ATG16L1: variants seen among roughly 807,000 people sequenced by gnomAD.
ATG16L1 encodes autophagy related 16 like 1, also known as autophagy-related protein 16-1.
In ATG16L1, 37 loss-of-function variants were observed where a neutral mutation model predicts 88.5. The observed-to-expected ratio is 0.42, with a 90% confidence interval of 0.32 to 0.55. The LOEUF is 0.55. Among genes scored for constraint, ATG16L1 ranks in the 20% least tolerant of loss-of-function variants. ATG16L1 has a pLI of 0.13. For synonymous variants in ATG16L1, 301 were observed against 281.0 expected, an observed-to-expected ratio of 1.07 and a Z score of -0.71; for missense variants, 554 against 752.8, an observed-to-expected ratio of 0.74 and a Z score of 3.09.
chr2:233,282,208 C>T (rs985986587), intron 11 of ATG16L1, among the ~76,000 whole-genome samples: 9 of 152,104 alleles, frequency 5.9e-5, no homozygotes, highest in Admixed American at 2.0e-4. Flanking sequence ...TGCAGTGGCC[C>T]GTGCGTTCAG....
intron 5 of ATG16L1, among the ~76,000 whole-genome samples, chr2:233,267,304 A>T (rs991359687): frequency 9.9e-5 from 15 of 152,244 alleles, no homozygotes; most frequent in Admixed American, 2.0e-4. Context: ...AGCCAATATC[A>T]TGCCACTAGG....
At chr2:233,254,239 C>T (rs571421453) in intron 1 of ATG16L1, among the ~76,000 whole-genome samples, 1 of 152,250 alleles carries the variant, frequency 6.6e-6, no homozygotes, top group Non-Finnish European at 1.5e-5. Flanking sequence ...TTAAAGGGTG[C>T]TAGAGTAGCG....
rs780078453 is a variant in ATG16L1 at position 233,263,242 on chromosome 2, C to T, written c.315+7C>T. ...ACACAAGAAACGTGGGGAGGTAAAG[C>T]TAGCCCTTTTCCTCATCTGTCTTCT... On this transcript the variant is annotated splice_region_variant and intron_variant, in intron 3 of 17. Coordinates refer to ENST00000392017, the MANE Select transcript of ATG16L1 (RefSeq NM_030803.7). The T allele has an allele frequency of 4.3e-6, 7 of 1,610,708 alleles. No individual in the cohort carries two copies. Among genetic ancestry groups the T allele is most frequent in the Non-Finnish European group, 4.2e-6 (5 of 1,177,410 alleles).
chr2:233,266,213 AGGCG>A (rs1697565739), intron 5 of ATG16L1: 4 of 152,372 alleles, frequency 2.6e-5, no homozygotes, highest in African/African-American at 7.2e-5. Context: ...GCGGAGGCGG[AGGCG>A]GAGGCGGAGG....
chr2:233,258,361 C>G (rs946660026), intron 2 of ATG16L1, among the ~76,000 whole-genome samples: 1 of 152,130 alleles, frequency 6.6e-6, no homozygotes, highest in Non-Finnish European at 1.5e-5. Flanking sequence ...TCATCTGGCA[C>G]GATGGTCTCC....
chr2:233,253,708 C>G (rs1696574055), intron 1 of ATG16L1, among the ~76,000 whole-genome samples: 1 of 152,078 alleles, frequency 6.6e-6, no homozygotes, highest in African/African-American at 2.4e-5. Flanking sequence ...TCACTGGCTC[C>G]CCCAGCAAAT....
chr2:233,255,200 A>G (rs1160267729), intron 1 of ATG16L1, among the ~76,000 whole-genome samples: 3 of 152,140 alleles, frequency 2.0e-5, no homozygotes, highest in Non-Finnish European at 4.4e-5. Context: ...TCCTGACCTC[A>G]GGTAGTTTGC....
chr2:233,291,350 T>C (rs1038200878), intron 14 of ATG16L1, among the ~76,000 whole-genome samples: 3 of 152,238 alleles, frequency 2.0e-5, no homozygotes, highest in Non-Finnish European at 4.4e-5. Flanking sequence ...AGTTGGATGT[T>C]CGAAGTCTCT....
At chr2:233,278,404 T>C (rs1262478896) in intron 10 of ATG16L1, among the ~76,000 whole-genome samples, 1 of 152,232 alleles carries the variant, frequency 6.6e-6, no homozygotes, top group Non-Finnish European at 1.5e-5. Flanking sequence ...GGAACCACTT[T>C]GCCAAGTGTC....
intron 12 of ATG16L1, among the ~76,000 whole-genome samples, chr2:233,286,665 A>T (rs982478129): frequency 2.3e-5 from 3 of 128,592 alleles, no homozygotes; most frequent in African/African-American, 9.2e-5. Context: ...TCGCTCAGTC[A>T]CCCAGGCTGG....
intron 3 of ATG16L1, among the ~76,000 whole-genome samples, chr2:233,263,682 A>G (rs1295645829): frequency 6.6e-6 from 1 of 152,212 alleles, no homozygotes; most frequent in Admixed American, 6.5e-5. Flanking sequence ...ACAGTTCACC[A>G]TCAGTACAGC....
At position 233,289,946 on chromosome 2, in the gene ATG16L1, C is replaced by G. The variant is rs1192518807; in HGVS notation, c.1296C>G (p.Leu432=). The part of the protein sequence containing the change: ...RIVSGSHDRT[L]KLWDLRSKVC... ...TCTCAGGAAGTCACGACCGGACTCT[C>G]AAACTCTGGGATCTACGCAGCAAAG... Residue 432 remains leucine, a synonymous_variant, in exon 13 of 18, where the codon CTC becomes CTG. Coordinates refer to ENST00000392017, the MANE Select transcript of ATG16L1 (RefSeq NM_030803.7). 2 of 1,614,198 alleles carry G rather than the reference C, an allele frequency of 1.2e-6. No individual in the cohort carries two copies. Among genetic ancestry groups the G allele is most frequent in the Non-Finnish European group, 1.7e-6 (2 of 1,180,026 alleles).
chr2:233,254,503 A>G (rs1574836887), intron 1 of ATG16L1, among the ~76,000 whole-genome samples: 2 of 152,142 alleles, frequency 1.3e-5, no homozygotes, highest in African/African-American at 4.8e-5. Context: ...GAGTCTGAAG[A>G]GAAAGGTGGA....
rs559638186 is a variant in ATG16L1 at position 233,273,377 on chromosome 2, C to T, written c.794+325C>T. ...TGTTTCATTCTTACTAGGGCTTCCC[C>T]CCGCCCGCACCGCCCTTCAAGAGTG... is the stretch of plus-strand genomic sequence containing the variant. On this transcript the variant is annotated intron_variant, in intron 7 of 17. Coordinates refer to ENST00000392017, the MANE Select transcript of ATG16L1 (RefSeq NM_030803.7). The T allele has an allele frequency of 6.1e-6, 3 of 490,188 alleles. No individual in the cohort carries two copies. In the East Asian group the frequency reaches 1.0e-4, roughly 17 times the overall value. 30.4% of individuals were successfully genotyped at this position (490,188 alleles called of 1,614,324 possible). A position where few individuals can be genotyped will look rare whatever the true frequency, so the allele number is the denominator to read the frequency against.
intron 12 of ATG16L1, among the ~76,000 whole-genome samples, chr2:233,284,374 C>T (rs1359693344): frequency 6.6e-6 from 1 of 152,076 alleles, no homozygotes; most frequent in East Asian, 1.9e-4. Flanking sequence ...CTCTGTCGCC[C>T]AGGCTAGAGT....
intron 2 of ATG16L1, among the ~76,000 whole-genome samples, chr2:233,256,429 G>T (rs1328399424): frequency 6.6e-6 from 1 of 152,170 alleles, no homozygotes; most frequent in African/African-American, 2.4e-5. Context: ...AATTTCTTAA[G>T]GCAGGTTCAC....
At chr2:233,290,902 C>T (rs1699418224) in intron 14 of ATG16L1, among the ~76,000 whole-genome samples, 2 of 152,086 alleles carry the variant, frequency 1.3e-5, no homozygotes, top group South Asian at 4.1e-4. Flanking sequence ...TCAAATCACT[C>T]GATCTTGTAA....
intron 5 of ATG16L1, among the ~76,000 whole-genome samples, chr2:233,268,407 C>T (rs552141161): frequency 1.3e-5 from 2 of 152,236 alleles, no homozygotes; most frequent in Admixed American, 6.5e-5. Flanking sequence ...TGCAGTGAGC[C>T]GAGATGATGT....
At chr2:233,255,985 T>C (rs1285496562) in intron 1 of ATG16L1, 117 bp from the exon 2 acceptor site, 8 of 753,798 alleles carry the variant, frequency 1.1e-5, no homozygotes, top group Non-Finnish European at 1.7e-5. Flanking sequence ...TAGGTTACTG[T>C]GGCTGAGGAA....
Sources: gnomAD v4.1 joint callset for allele counts (sites outside exome capture counted in the v4.1 genomes callset) on GRCh38, gnomAD v4.1.1 for gene constraint, MANE v1.5 for transcripts, NCBI Gene and HGNC (gene_info 2026-07-23, HGNC 2026-07-21) for gene names.